Variants in GPD1L observed in about 807,000 individuals in gnomAD.
GPD1L encodes glycerol-3-phosphate dehydrogenase 1-like protein.
GPD1L carries 17 observed loss-of-function variants against 32.9 expected under a neutral mutation model. The ratio of observed to expected loss-of-function variants is 0.52; its 90% CI spans 0.35 to 0.78. The LOEUF is 0.78. Among genes scored for constraint, GPD1L ranks in the 30% least tolerant of loss-of-function variants. The pLI is 0.01. For missense variants in GPD1L, 361 were observed against 447.8 expected, an observed-to-expected ratio of 0.81 and a Z score of 1.75; for synonymous variants, 187 against 165.9, an observed-to-expected ratio of 1.13 and a Z score of -0.98.
rs765805642 is a variant in GPD1L at position 32,138,597 on chromosome 3, C to G, written c.236C>G (p.Ser79Ter). 1.2e-6 allele frequency: 2 copies of G among 1,614,026 alleles called. No homozygotes were observed. The highest frequency in any genetic ancestry group is 1.7e-6 in the Non-Finnish European group (2 of 1,179,950). The change falls in exon 3 of 8, where the codon TCA becomes TGA. Residue 79 changes from serine to a stop codon, truncating the protein, a stop_gained. Coordinates refer to ENST00000282541, the MANE Select transcript of GPD1L (RefSeq NM_015141.4). LOFTEE classifies it high-confidence loss of function. Reference sequence around the variant, plus strand: ...GCCTTTTGGTTGCAGGTTGCCATGTCAAATCTTAGCGAGGCTGTGCAGGAT... The same window carrying G: ...GCCTTTTGGTTGCAGGTTGCCATGTGAAATCTTAGCGAGGCTGTGCAGGAT... ...HKLPENVVAM[S>*]NLSEAVQDAD...
intron 4 of GPD1L, among the ~76,000 whole-genome samples, chr3:32,144,839 A>C (rs1700796840): frequency 6.6e-6 from 1 of 151,214 alleles, no homozygotes; most frequent in African/African-American, 2.4e-5. Flanking sequence ...ACACACACAC[A>C]CACACACACA....
At chr3:32,140,144 G>C in intron 3 of GPD1L, 84 bp from the exon 4 acceptor site, 1 of 1,410,818 alleles carries the variant, frequency 7.1e-7, no homozygotes, top group Non-Finnish European at 1.0e-6. Flanking sequence ...CATTTTTCAA[G>C]TTGTGTAGCC....
chr3:32,128,082 A>G lies in GPD1L; in HGVS notation c.54A>G (p.Ser18=), dbSNP rs147773109. Reference sequence around the variant, plus strand: ...TCCACGATTTCTTTTGTAGGGGTTCAGCTGTTGCAAAAATAATTGGTAATA... The same window carrying G: ...TCCACGATTTCTTTTGTAGGGGTTCGGCTGTTGCAAAAATAATTGGTAATA... ...VCIVGSGNWG[S]AVAKIIGNNV... is the part of the protein sequence containing the mutation. Residue 18 remains serine (S), a synonymous_variant, in exon 2 of 8, where the codon TCA becomes TCG. Coordinates refer to ENST00000282541, the MANE Select transcript of GPD1L (RefSeq NM_015141.4). 5.0e-6 allele frequency: 8 copies of G among 1,609,496 alleles called. No homozygotes were observed. The African/African-American group carries it at 1.1e-4, about 22-fold the overall frequency.
At chr3:32,130,686 G>C (rs1700575591) in intron 2 of GPD1L, among the ~76,000 whole-genome samples, 1 of 152,108 alleles carries the variant, frequency 6.6e-6, no homozygotes, top group Non-Finnish European at 1.5e-5. Flanking sequence ...ATTATTTTCT[G>C]AAGGCCGGTT....
chr3:32,124,819 G>A (rs967977747), intron 1 of GPD1L, among the ~76,000 whole-genome samples: 9 of 152,010 alleles, frequency 5.9e-5, no homozygotes, highest in African/African-American at 1.5e-4. Flanking sequence ...CCAGCTACTC[G>A]AGGGGCCAGG....
intron 1 of GPD1L, among the ~76,000 whole-genome samples, chr3:32,115,448 C>G (rs9860638): frequency 0.41 from 62,791 of 152,072 alleles, 14,720 homozygotes; most frequent in East Asian, 0.64. Context: ...GCTGGCTTCA[C>G]CTCTCATTAT....
intron 5 of GPD1L, among the ~76,000 whole-genome samples, chr3:32,157,323 A>G (rs1370020334): frequency 6.6e-6 from 1 of 150,848 alleles, no homozygotes; most frequent in Non-Finnish European, 1.5e-5. Flanking sequence ...GGCTTACTGC[A>G]AGCTCCACCT....
At chr3:32,157,313 G>A (rs112169184) in intron 5 of GPD1L, among the ~76,000 whole-genome samples, 1 of 151,344 alleles carries the variant, frequency 6.6e-6, no homozygotes, top group African/African-American at 2.4e-5. Flanking sequence ...GTGCGATCTC[G>A]GCTTACTGCA....
chr3:32,136,582 C>G (rs1236553529), intron 2 of GPD1L, among the ~76,000 whole-genome samples: 1 of 152,168 alleles, frequency 6.6e-6, no homozygotes, highest in African/African-American at 2.4e-5. Flanking sequence ...ACTTCAGATA[C>G]ATTTTCTTTG....
chr3:32,131,526 T>C (rs1259123217), intron 2 of GPD1L, among the ~76,000 whole-genome samples: 1 of 152,244 alleles, frequency 6.6e-6, no homozygotes, highest in Non-Finnish European at 1.5e-5. Context: ...TGTGACTGGC[T>C]TCTTTCACTT....
At chr3:32,109,033 T>G (rs1700208745) in intron 1 of GPD1L, among the ~76,000 whole-genome samples, 1 of 152,178 alleles carries the variant, frequency 6.6e-6, no homozygotes, top group East Asian at 1.9e-4. Context: ...GTATTCTTAG[T>G]AGAGACGGGG....
intron 1 of GPD1L, among the ~76,000 whole-genome samples, chr3:32,111,650 A>T (rs1700248079): frequency 6.6e-6 from 1 of 152,088 alleles, no homozygotes; most frequent in Non-Finnish European, 1.5e-5. Context: ...ACAGGAGATG[A>T]GGAGAGAGGC....
At chr3:32,138,845 T>C in intron 3 of GPD1L, 118 bp downstream of exon 3, 2 of 1,076,222 alleles carry the variant, frequency 1.9e-6, no homozygotes, top group Admixed American at 3.8e-5. Context: ...GTTTTTCGTT[T>C]GTGTTCTTAA....
At chr3:32,138,100 G>A (rs945254980) in intron 2 of GPD1L, among the ~76,000 whole-genome samples, 3 of 152,182 alleles carry the variant, frequency 2.0e-5, no homozygotes, top group Non-Finnish European at 2.9e-5. Flanking sequence ...GAAGTGGCCC[G>A]AGGAGGCTGA....
At chr3:32,120,357 G>A (rs1251784604) in intron 1 of GPD1L, among the ~76,000 whole-genome samples, 1 of 152,032 alleles carries the variant, frequency 6.6e-6, no homozygotes, top group Non-Finnish European at 1.5e-5. Flanking sequence ...AAACAAGTGA[G>A]CCTGCCCAGA....
At chr3:32,136,798 T>A (rs950487262) in intron 2 of GPD1L, among the ~76,000 whole-genome samples, 1 of 152,156 alleles carries the variant, frequency 6.6e-6, no homozygotes, top group East Asian at 1.9e-4. Context: ...CTCCTAAGCC[T>A]TGTAACCCTC....
Position 32,106,623 on chromosome 3 carries a change from GC to G in GPD1L, c.-87del, listed in dbSNP as rs1700168262. 2.3e-6 allele frequency: 3 copies of G among 1,295,254 alleles called. No individual in the cohort carries two copies. In the South Asian group the frequency reaches 5.7e-5, roughly 25 times the overall value. 80.2% of individuals were successfully genotyped at this position (1,295,254 alleles called of 1,614,324 possible). A position where few individuals can be genotyped will look rare whatever the true frequency, so the allele number is the denominator to read the frequency against. ...GCGGAGAGGCGAAAGGGGCGGGGCC[GC>G]CGCCAGCCGCTGCGGGCAAGGCTGA... On this transcript the variant is annotated 5_prime_UTR_variant, in exon 1 of 8. Coordinates refer to ENST00000282541, the MANE Select transcript of GPD1L (RefSeq NM_015141.4). The surrounding 1 kb of genome is among the most constrained non-coding windows in gnomAD (Gnocchi z 4.0).
In GPD1L at chr3:32,162,402, G is replaced by A. The variant is rs112147180; in HGVS notation, c.959+2728G>A. ...TACCTTTTCTTTTTTTTTTTGAGAC[G>A]GAGTCTCGCTCTGTCGCCCAGGCCG... On this transcript the variant is annotated intron_variant, in intron 7 of 7. Coordinates refer to ENST00000282541, the MANE Select transcript of GPD1L (RefSeq NM_015141.4). 5.3e-5 allele frequency among the ~76,000 whole-genome samples: 3 copies of A among 56,926 alleles called. 1 individual carries two copies. The highest frequency in any genetic ancestry group is 6.4e-4 in the South Asian group (1 of 1,574). The allele number at this position is 56,926 out of a possible 152,430, so 37.3% of individuals were successfully genotyped here.
chr3:32,120,991 G>C (rs1207502766), intron 1 of GPD1L, among the ~76,000 whole-genome samples: 1 of 152,142 alleles, frequency 6.6e-6, no homozygotes, highest in South Asian at 2.1e-4. Flanking sequence ...GCAGGCGGGT[G>C]TCCATCCAGC....
Sources: gnomAD v4.1 joint callset for allele counts (sites outside exome capture counted in the v4.1 genomes callset) on GRCh38, gnomAD v4.1.1 for gene constraint, Gnocchi (gnomAD v3.1) non-coding constraint, MANE v1.5 for transcripts, NCBI Gene and HGNC (gene_info 2026-07-23, HGNC 2026-07-21) for gene names.